The following PPM1H variants were observed in gnomAD, a reference collection of about 807,000 sequenced individuals.
PPM1H encodes protein phosphatase 1H.
Under a neutral mutation model 54.9 loss-of-function variants are expected in PPM1H, and 27 were observed. The ratio of observed to expected loss-of-function variants is 0.49; its 90% CI spans 0.36 to 0.68. The LOEUF (loss-of-function observed/expected upper bound fraction) is 0.68. PPM1H is among the 30% of genes least tolerant of loss of function. The pLI, the probability that PPM1H is intolerant of heterozygous loss-of-function variation, is 0.00. For missense variants in PPM1H, 596 were observed against 667.8 expected (o/e 0.89, Z 1.19); for synonymous variants, 305 against 270.8 (o/e 1.13, Z -1.24).
At chr12:62,704,806 G>A (rs143907535) in intron 6 of PPM1H, among the ~76,000 whole-genome samples, 55 of 152,208 alleles carry the variant, frequency 3.6e-4, no homozygotes, top group Admixed American at 2.1e-3. Context: ...TCTGGTCCCC[G>A]ACAATGCAGC....
intron 3 of PPM1H, among the ~76,000 whole-genome samples, chr12:62,794,160 AC>A (rs2076717709): frequency 6.6e-6 from 1 of 152,302 alleles, no homozygotes; most frequent in Admixed American, 6.5e-5. Flanking sequence ...TACTATTGCC[AC>A]CTGCCGGCTG....
At chr12:62,823,427 C>T (rs11495591) in intron 2 of PPM1H, among the ~76,000 whole-genome samples, 9,963 of 152,160 alleles carry the variant, frequency 0.065, 436 homozygotes, top group Middle Eastern at 0.12. Flanking sequence ...CAAAGCCTGG[C>T]AGAGAGAGAC....
intron 1 of PPM1H, among the ~76,000 whole-genome samples, chr12:62,876,118 G>T (rs191763098): frequency 6.6e-6 from 1 of 152,258 alleles, no homozygotes; most frequent in East Asian, 1.9e-4. Flanking sequence ...TGAACTTCCT[G>T]TCCAACCAAA....
intron 2 of PPM1H, among the ~76,000 whole-genome samples, chr12:62,807,873 T>G (rs2076814044): frequency 6.6e-6 from 1 of 152,214 alleles, no homozygotes; most frequent in African/African-American, 2.4e-5. Flanking sequence ...GGTCTTGCTC[T>G]GTCACCCAGG....
chr12:62,917,871 C>A (rs1277244594), intron 1 of PPM1H, among the ~76,000 whole-genome samples: 1 of 152,018 alleles, frequency 6.6e-6, no homozygotes, highest in Non-Finnish European at 1.5e-5. Context: ...GTTTTTCGTG[C>A]TGTTAGATTT....
intron 8 of PPM1H, among the ~76,000 whole-genome samples, chr12:62,672,411 A>C (rs1215162359): frequency 6.6e-6 from 1 of 152,222 alleles, no homozygotes; most frequent in African/African-American, 2.4e-5. Context: ...TCAGCCTTTC[A>C]GGGCCCACTT....
intron 4 of PPM1H, among the ~76,000 whole-genome samples, chr12:62,775,411 T>C (rs939463460): frequency 4.6e-5 from 7 of 152,168 alleles, no homozygotes; most frequent in Admixed American, 4.6e-4. Context: ...ACCTTGTTTG[T>C]TTATACACAG....
chr12:62,901,575 A>C (rs1466914164), intron 1 of PPM1H, among the ~76,000 whole-genome samples: 2 of 152,238 alleles, frequency 1.3e-5, no homozygotes, highest in African/African-American at 4.8e-5. Context: ...CCTCTACAAA[A>C]GTGCAATCAT....
At chr12:62,828,570 A>T (rs1188331882) in intron 2 of PPM1H, among the ~76,000 whole-genome samples, 1 of 152,142 alleles carries the variant, frequency 6.6e-6, no homozygotes, top group Non-Finnish European at 1.5e-5. Flanking sequence ...AGTGTCTATC[A>T]TCTGGCACAC....
At chr12:62,840,729 A>G (rs1248640028) in intron 1 of PPM1H, among the ~76,000 whole-genome samples, 2 of 152,226 alleles carry the variant, frequency 1.3e-5, no homozygotes, top group African/African-American at 2.4e-5. Context: ...TGAGGGAGCT[A>G]CATCAGAACT....
intron 2 of PPM1H, among the ~76,000 whole-genome samples, chr12:62,808,350 A>C (rs949734999): frequency 6.6e-6 from 1 of 151,956 alleles, no homozygotes; most frequent in Non-Finnish European, 1.5e-5. Context: ...TCAGCCATCA[A>C]CCTCTATGCT....
In PPM1H at chr12:62,807,884, C is replaced by A. The variant is rs478720; in HGVS notation, c.412-5724G>T. Among the ~76,000 whole-genome samples the A allele has an allele frequency of 3.6e-3, 548 of 152,258 alleles. 1 individual carries two copies. The highest frequency in any genetic ancestry group is 0.013 in the African/African-American group (524 of 41,532). ...ACAAGGTCTTGCTCTGTCACCCAGG[C>A]TGGAGTGCACTGGCACAACCACGAC... On this transcript the variant is annotated intron_variant, in intron 2 of 9. Transcript: ENST00000228705.
chr12:62,747,182 G>A (rs2076417541), intron 4 of PPM1H, among the ~76,000 whole-genome samples: 1 of 151,546 alleles, frequency 6.6e-6, no homozygotes, highest in African/African-American at 2.4e-5. Flanking sequence ...TGTCTCCCAG[G>A]CTCGAGTGCA....
chr12:62,726,626 G>A (rs2076291046), intron 5 of PPM1H, among the ~76,000 whole-genome samples: 1 of 152,192 alleles, frequency 6.6e-6, no homozygotes. Flanking sequence ...CGGGGATGTG[G>A]AAGCCGCAGA....
At chr12:62,817,213 A>G (rs1006749363) in intron 2 of PPM1H, among the ~76,000 whole-genome samples, 1 of 147,442 alleles carries the variant, frequency 6.8e-6, no homozygotes, top group Non-Finnish European at 1.5e-5. Context: ...CTATTATCCC[A>G]GCACTTTGGG....
chr12:62,688,660 C>T (rs1350819804), intron 8 of PPM1H, among the ~76,000 whole-genome samples: 1 of 152,060 alleles, frequency 6.6e-6, no homozygotes, highest in African/African-American at 2.4e-5. Context: ...GACAGAAGCT[C>T]TTCAGGTAAT....
intron 8 of PPM1H, among the ~76,000 whole-genome samples, chr12:62,689,342 AAGTGAATGGG>A (rs1329187602): frequency 6.6e-6 from 1 of 152,232 alleles, no homozygotes; most frequent in Non-Finnish European, 1.5e-5. Flanking sequence ...CTTGAACACC[AAGTGAATGGG>A]AGTCTGAGCT....
At chr12:62,742,147 C>T (rs2076384920) in intron 4 of PPM1H, among the ~76,000 whole-genome samples, 1 of 152,192 alleles carries the variant, frequency 6.6e-6, no homozygotes, top group South Asian at 2.1e-4. Context: ...AATTCACACA[C>T]AATGAGGTAT....
chr12:62,735,104 C>T (rs979353458), intron 5 of PPM1H, among the ~76,000 whole-genome samples: 8 of 151,924 alleles, frequency 5.3e-5, no homozygotes, highest in African/African-American at 1.9e-4. Flanking sequence ...GCAAGGAAGG[C>T]AAAGGCTTCA....
Sources: gnomAD v4.1 joint callset for allele counts (sites outside exome capture counted in the v4.1 genomes callset) on GRCh38, gnomAD v4.1.1 for gene constraint, MANE v1.5 for transcripts, NCBI Gene and HGNC (gene_info 2026-07-23, HGNC 2026-07-21) for gene names.